C1orf21: variants seen among roughly 807,000 people sequenced by gnomAD.
The protein encoded by C1orf21 is chromosome 1 open reading frame 21.
A neutral mutation model predicts 18.7 loss-of-function variants in C1orf21; 3 were observed. The ratio of observed to expected loss-of-function variants is 0.16; its 90% CI spans 0.07 to 0.42. C1orf21 has a LOEUF of 0.42. Ranked by LOEUF, C1orf21 falls within the 10% of genes least tolerant of loss-of-function variation. The probability of loss-of-function intolerance (pLI) is 0.99; values close to 1 mark genes in which losing one functional copy is unlikely to be tolerated. For missense variants in C1orf21, 104 were observed against 143.6 expected, an observed-to-expected ratio of 0.72 and a Z score of 1.41; for synonymous variants, 41 against 46.4, an observed-to-expected ratio of 0.88 and a Z score of 0.47.
intron 3 of C1orf21, among the ~76,000 whole-genome samples, chr1:184,512,614 A>G (rs1391155639): frequency 6.6e-6 from 1 of 152,202 alleles, no homozygotes; most frequent in Non-Finnish European, 1.5e-5. Flanking sequence ...ATGGTGGTGT[A>G]AAGTAGTAGC....
At chr1:184,499,013 G>C (rs1557987336) in intron 2 of C1orf21, among the ~76,000 whole-genome samples, 1 of 152,094 alleles carries the variant, frequency 6.6e-6, no homozygotes, top group Non-Finnish European at 1.5e-5. Context: ...AGCATTAAAT[G>C]GGTTATATGT....
At chr1:184,399,356 ATTTT>A (rs59376994) in intron 1 of C1orf21, among the ~76,000 whole-genome samples, 1,737 of 79,122 alleles carry the variant, frequency 0.022, 35 homozygotes, top group African/African-American at 0.073. Flanking sequence ...ATGTACTTCT[ATTTT>A]TTTTTTTTTT....
intron 5 of C1orf21, among the ~76,000 whole-genome samples, chr1:184,598,787 G>A (rs1659550735): frequency 6.6e-6 from 1 of 152,072 alleles, no homozygotes; most frequent in African/African-American, 2.4e-5. Context: ...ACTAACCTCC[G>A]ACTGCAAGGG....
intron 2 of C1orf21, among the ~76,000 whole-genome samples, chr1:184,489,982 G>T (rs1011593920): frequency 6.6e-6 from 1 of 152,184 alleles, no homozygotes; most frequent in Non-Finnish European, 1.5e-5. Flanking sequence ...TAATTCAAAT[G>T]TTTCCATCTC....
At chr1:184,474,118 A>C (rs1245440513) in intron 1 of C1orf21, among the ~76,000 whole-genome samples, 1 of 152,218 alleles carries the variant, frequency 6.6e-6, no homozygotes, top group East Asian at 1.9e-4. Context: ...TCACCTTCAA[A>C]TGAGTAAATT....
intron 3 of C1orf21, among the ~76,000 whole-genome samples, chr1:184,531,832 A>T (rs1048474168): frequency 6.6e-6 from 1 of 152,182 alleles, no homozygotes; most frequent in African/African-American, 2.4e-5. Flanking sequence ...TACAGCTGAG[A>T]TTGTATATCA....
At chr1:184,454,773 G>A (rs1335599158) in intron 1 of C1orf21, among the ~76,000 whole-genome samples, 1 of 152,120 alleles carries the variant, frequency 6.6e-6, no homozygotes, top group Non-Finnish European at 1.5e-5. Flanking sequence ...GCATGTGCTA[G>A]CATCATGCTT....
chr1:184,472,723 C>A (rs1459656494), intron 1 of C1orf21, among the ~76,000 whole-genome samples: 2 of 151,998 alleles, frequency 1.3e-5, no homozygotes, highest in Non-Finnish European at 2.9e-5. Context: ...TTATTATAAT[C>A]TTTCCTTATA....
At chr1:184,608,803 G>T (rs557881096) in intron 5 of C1orf21, among the ~76,000 whole-genome samples, 2 of 152,096 alleles carry the variant, frequency 1.3e-5, no homozygotes, top group African/African-American at 4.8e-5. Flanking sequence ...CTCTTCTGGG[G>T]TGCATGCAGG....
chr1:184,446,246 G>C (rs893084934), intron 1 of C1orf21, among the ~76,000 whole-genome samples: 1 of 151,922 alleles, frequency 6.6e-6, no homozygotes, highest in African/African-American at 2.4e-5. Context: ...CTTCAGAGTA[G>C]AGTATACAGT....
intron 3 of C1orf21, among the ~76,000 whole-genome samples, chr1:184,525,050 T>G (rs763529341): frequency 9.9e-5 from 15 of 152,094 alleles, no homozygotes; most frequent in Non-Finnish European, 2.1e-4. Flanking sequence ...TGAAAGTCTC[T>G]TACACATCAT....
chr1:184,471,103 G>A (rs1557980542), intron 1 of C1orf21, among the ~76,000 whole-genome samples: 1 of 152,106 alleles, frequency 6.6e-6, no homozygotes, highest in African/African-American at 2.4e-5. Flanking sequence ...TAACACAGAG[G>A]AGTTTTCTGG....
chr1:184,599,095 C>T (rs1407812201), intron 5 of C1orf21, among the ~76,000 whole-genome samples: 2 of 152,078 alleles, frequency 1.3e-5, no homozygotes, highest in African/African-American at 2.4e-5. Context: ...GATACAAAGT[C>T]GATCTGTCAT....
chr1:184,586,336 G>A (rs1368721057), intron 3 of C1orf21, among the ~76,000 whole-genome samples: 1 of 146,730 alleles, frequency 6.8e-6, no homozygotes, highest in South Asian at 2.1e-4. Context: ...AGGCTGGAGT[G>A]CAGTGGTGCA....
At chr1:184,414,561 G>C (rs1656416951) in intron 1 of C1orf21, among the ~76,000 whole-genome samples, 1 of 151,654 alleles carries the variant, frequency 6.6e-6, no homozygotes, top group Non-Finnish European at 1.5e-5. Flanking sequence ...ACCAAAGCTT[G>C]ACTATGTAAA....
chr1:184,428,839 G>GA (rs1281385608), intron 1 of C1orf21, among the ~76,000 whole-genome samples: 14 of 152,094 alleles, frequency 9.2e-5, no homozygotes, highest in Non-Finnish European at 2.1e-4. Context: ...AGATTTTGTT[G>GA]CTTTTCTGAG....
At chr1:184,548,472 C>A (rs1011382434) in intron 3 of C1orf21, among the ~76,000 whole-genome samples, 2 of 140,804 alleles carry the variant, frequency 1.4e-5, no homozygotes, top group African/African-American at 2.7e-5. Context: ...TGGAGTGCAG[C>A]GGCGCGATCT....
At position 184,594,703 on chromosome 1, in the gene C1orf21, G is replaced by C. The variant is rs563682568; in HGVS notation, c.267-3698G>C. Among the ~76,000 whole-genome samples, 121 of 152,290 alleles carry C rather than the reference G, an allele frequency of 7.9e-4. 1 individual carries two copies. Among genetic ancestry groups the C allele is most frequent in the Non-Finnish European group, 1.5e-3 (99 of 68,020 alleles). On this transcript the variant is annotated intron_variant, in intron 4 of 5. Transcript: ENST00000235307. ...CTTTCAGGAAGAAAAGAGGAGGTCAGAAGTCCCCTCCTGCACCTGCTGTTT... is the reference window on the plus strand; with the variant it reads ...CTTTCAGGAAGAAAAGAGGAGGTCACAAGTCCCCTCCTGCACCTGCTGTTT...
chr1:184,414,424 G>A (rs1294521145), intron 1 of C1orf21, among the ~76,000 whole-genome samples: 2 of 152,076 alleles, frequency 1.3e-5, no homozygotes, highest in African/African-American at 2.4e-5. Context: ...CACTATGCTC[G>A]GCCGGATTTG....
Sources: allele counts gnomAD v4.1 joint callset (sites outside exome capture counted in the v4.1 genomes callset), GRCh38; gene constraint gnomAD v4.1.1; transcripts MANE v1.5; gene names NCBI Gene and HGNC (gene_info 2026-07-23, HGNC 2026-07-21).